Variants in HDAC9 observed in about 807,000 individuals in gnomAD.
HDAC9 encodes MEF-2 interacting transcription repressor (MITR) protein.
In HDAC9, 41 loss-of-function variants were observed where a neutral mutation model predicts 139.4. That is an observed-to-expected ratio of 0.29 (90% CI 0.23 to 0.38). HDAC9 has a LOEUF of 0.38. Ranked by LOEUF, HDAC9 falls within the 10% of genes least tolerant of loss-of-function variation. The pLI is 1.00. For missense variants in HDAC9, 1,147 were observed against 1,297.0 expected, an observed-to-expected ratio of 0.88 and a Z score of 1.78; for synonymous variants, 517 against 476.2, an observed-to-expected ratio of 1.09 and a Z score of -1.12.
At chr7:18,634,602 A>T (rs1237631103) in intron 7 of HDAC9, 25 bp from the exon 8 acceptor site, 1 of 1,419,288 alleles carries the variant, frequency 7.0e-7, no homozygotes, top group Admixed American at 1.9e-5. Context: ...TCATGAACAC[A>T]TTTGTACTTC....
chr7:18,954,099 A>T, intron 23 of HDAC9, 47 bp from the exon 24 acceptor site: 2 of 1,304,062 alleles, frequency 1.5e-6, no homozygotes. Flanking sequence ...GAGACTTACT[A>T]TAAAGTCATA....
At chr7:18,339,658 G>T (rs1412089408) in intron 1 of HDAC9, among the ~76,000 whole-genome samples, 4 of 151,158 alleles carry the variant, frequency 2.6e-5, no homozygotes, top group African/African-American at 9.7e-5. Context: ...AGATTATTTA[G>T]AAATGCTGTA....
intron 2 of HDAC9, among the ~76,000 whole-genome samples, chr7:18,564,771 A>G (rs1332542301): frequency 6.6e-6 from 1 of 151,934 alleles, no homozygotes; most frequent in Non-Finnish European, 1.5e-5. Flanking sequence ...TCAAAATTTC[A>G]ATTTTATACC....
intron 13 of HDAC9, among the ~76,000 whole-genome samples, chr7:18,734,226 G>A (rs192072118): frequency 4.3e-4 from 65 of 152,052 alleles, no homozygotes; most frequent in African/African-American, 1.5e-3. Context: ...AGTGATGTGT[G>A]ATCAGTGATC....
chr7:18,804,692 A>G (rs1793564605), intron 17 of HDAC9, among the ~76,000 whole-genome samples: 1 of 152,238 alleles, frequency 6.6e-6, no homozygotes, highest in African/African-American at 2.4e-5. Context: ...ATACTGCTTC[A>G]GTGAATTCCT....
Position 18,627,528 on chromosome 7 carries a change from T to C in HDAC9, c.665-1822T>C, listed in dbSNP as rs117981242. 5.2e-4 allele frequency among the ~76,000 whole-genome samples: 79 copies of C among 152,292 alleles called. No homozygotes were observed. In the East Asian group the frequency reaches 0.013, roughly 25 times the overall value. ...AAATACATGTGTACATGAAAACATA[T>C]CTAAGTACATTAATACAGTCCCAGT... On this transcript the variant is annotated intron_variant, in intron 6 of 25. Coordinates refer to ENST00000686413, the MANE Select transcript of HDAC9 (RefSeq NM_178425.4).
intron 1 of HDAC9, among the ~76,000 whole-genome samples, chr7:18,370,976 C>A (rs1784551739): frequency 6.6e-6 from 1 of 152,158 alleles, no homozygotes; most frequent in African/African-American, 2.4e-5. Context: ...TGTCATCGTG[C>A]ATTTTCTGGC....
chr7:18,705,867 AATAAAATAAAAT>A (rs1783862272), intron 12 of HDAC9, among the ~76,000 whole-genome samples: 8 of 146,036 alleles, frequency 5.5e-5, no homozygotes, highest in Non-Finnish European at 1.2e-4. Context: ...AAAAAAATAA[AATAAAATAAAAT>A]AAAAGAAATG....
intron 21 of HDAC9, among the ~76,000 whole-genome samples, chr7:18,865,530 G>A (rs1042139936): frequency 6.6e-6 from 1 of 152,130 alleles, no homozygotes; most frequent in African/African-American, 2.4e-5. Flanking sequence ...TGTGCTTAGC[G>A]CTCCTAGTGC....
intron 1 of HDAC9, among the ~76,000 whole-genome samples, chr7:18,153,132 A>G (rs1786907180): frequency 6.6e-6 from 1 of 152,198 alleles, no homozygotes; most frequent in Non-Finnish European, 1.5e-5. Context: ...AAGGGGCCAA[A>G]TAACCAGTGG....
intron 2 of HDAC9, among the ~76,000 whole-genome samples, chr7:18,577,846 AT>A (rs1826482027): frequency 1.3e-5 from 2 of 152,174 alleles, no homozygotes; most frequent in Non-Finnish European, 1.5e-5. Context: ...CTGTGGTAAA[AT>A]TTGTTGGGGC....
chr7:18,114,796 G>T (rs1220770656), intron 1 of HDAC9, among the ~76,000 whole-genome samples: 4 of 152,278 alleles, frequency 2.6e-5, no homozygotes, highest in Non-Finnish European at 1.5e-5. Flanking sequence ...ATATCTGAAC[G>T]ATTTAAACAA....
chr7:18,258,951 CTTTTTTTTTTTTTTTTT>C lies in HDAC9; in HGVS notation c.25+96623_25+96639del, dbSNP rs199607615. ...TAATAAAGTAGGGATTCTTCTTCTC[CTTTTTTTTTTTTTTTTT>C]TTTTTTTTTTTTTTTTTTTTAAACA... On this transcript the variant is annotated intron_variant, in intron 2 of 12. Transcript: ENST00000417496. 1.1e-3 allele frequency among the ~76,000 whole-genome samples: 112 copies of C among 98,372 alleles called. 1 individual carries two copies. Among genetic ancestry groups the C allele is most frequent in the Non-Finnish European group, 2.0e-3 (93 of 47,008 alleles). 64.5% of individuals were successfully genotyped at this position (98,372 alleles called of 152,430 possible). A position where few individuals can be genotyped will look rare whatever the true frequency, so the allele number is the denominator to read the frequency against.
At chr7:18,722,339 G>A (rs961951430) in intron 12 of HDAC9, among the ~76,000 whole-genome samples, 8 of 152,146 alleles carry the variant, frequency 5.3e-5, no homozygotes, top group African/African-American at 1.9e-4. Flanking sequence ...TTTAAGGGGG[G>A]TAACACATTT....
intron 2 of HDAC9, among the ~76,000 whole-genome samples, chr7:18,252,835 G>A (rs1009791106): frequency 5.9e-5 from 9 of 152,044 alleles, no homozygotes; most frequent in South Asian, 4.2e-4. Context: ...CTTGCACCAC[G>A]GGACTTTGCT....
intron 2 of HDAC9, among the ~76,000 whole-genome samples, chr7:18,563,531 A>G (rs1318698556): frequency 1.3e-5 from 2 of 152,158 alleles, no homozygotes; most frequent in African/African-American, 4.8e-5. Context: ...CTACAGGCAG[A>G]ATTAATTTTT....
intron 1 of HDAC9, among the ~76,000 whole-genome samples, chr7:18,334,757 G>A (rs978399944): frequency 6.6e-6 from 1 of 150,634 alleles, no homozygotes; most frequent in African/African-American, 2.5e-5. Flanking sequence ...GAGGGTGGAG[G>A]AGTTAGCACC....
At chr7:18,559,071 G>T (rs777251249) in intron 2 of HDAC9, among the ~76,000 whole-genome samples, 7 of 152,062 alleles carry the variant, frequency 4.6e-5, no homozygotes, top group Non-Finnish European at 1.0e-4. Flanking sequence ...GCTTACCCAG[G>T]GTTCACTCAT....
intron 1 of HDAC9, among the ~76,000 whole-genome samples, chr7:18,464,582 A>G (rs1364288003): frequency 1.3e-5 from 2 of 152,022 alleles, no homozygotes; most frequent in African/African-American, 4.8e-5. Flanking sequence ...TCTCAGAAAC[A>G]ATGTGAGGCC....
Sources: gnomAD v4.1 joint callset for allele counts (sites outside exome capture counted in the v4.1 genomes callset) on GRCh38, gnomAD v4.1.1 for gene constraint, MANE v1.5 for transcripts, NCBI Gene and HGNC (gene_info 2026-07-23, HGNC 2026-07-21) for gene names.